Variants in STPG2 observed in about 807,000 individuals in gnomAD.
The protein encoded by STPG2 is sperm-tail PG-rich repeat-containing protein 2.
Under a neutral mutation model 54.2 loss-of-function variants are expected in STPG2, and 56 were observed. The observed-to-expected ratio is 1.03, with a 90% confidence interval of 0.83 to 1.29. The LOEUF (loss-of-function observed/expected upper bound fraction) is 1.29. Ranked by LOEUF, STPG2 falls within the 50% of genes most tolerant of loss-of-function variation. The pLI is 0.00. For missense variants in STPG2, 596 were observed against 544.9 expected (o/e 1.09, Z -0.93); for synonymous variants, 200 against 181.8 (o/e 1.10, Z -0.81).
intron 10 of STPG2, among the ~76,000 whole-genome samples, chr4:97,636,952 A>C (rs920367957): frequency 6.6e-6 from 1 of 152,182 alleles, no homozygotes; most frequent in Non-Finnish European, 1.5e-5. Context: ...AACCTATTCC[A>C]ATCAATAGAA....
At chr4:97,797,399 G>C (rs186480482) in intron 9 of STPG2, among the ~76,000 whole-genome samples, 2 of 152,212 alleles carry the variant, frequency 1.3e-5, no homozygotes, top group Admixed American at 6.5e-5. Flanking sequence ...TAGCATGAAG[G>C]GCTGTTGAAT....
At chr4:97,879,279 T>G (rs772501349) in intron 8 of STPG2, among the ~76,000 whole-genome samples, 2 of 152,206 alleles carry the variant, frequency 1.3e-5, no homozygotes, top group Non-Finnish European at 2.9e-5. Context: ...GCTTCCACAT[T>G]TTCAGGTATC....
intron 9 of STPG2, among the ~76,000 whole-genome samples, chr4:97,731,378 A>G (rs539922970): frequency 5.3e-5 from 8 of 152,168 alleles, no homozygotes; most frequent in Non-Finnish European, 8.8e-5. Context: ...TACCTCCAGT[A>G]TATTACACTT....
chr4:98,033,289 A>G (rs193012143), intron 5 of STPG2, among the ~76,000 whole-genome samples: 3 of 152,228 alleles, frequency 2.0e-5, no homozygotes, highest in African/African-American at 7.2e-5. Flanking sequence ...CCAATCCCAC[A>G]GAAATACAAA....
At chr4:98,033,932 G>C (rs1300509551) in intron 5 of STPG2, among the ~76,000 whole-genome samples, 1 of 152,144 alleles carries the variant, frequency 6.6e-6, no homozygotes, top group Non-Finnish European at 1.5e-5. Flanking sequence ...CAGTAAACTA[G>C]GTATCGATGG....
intron 10 of STPG2, among the ~76,000 whole-genome samples, chr4:97,617,545 A>T (rs967993971): frequency 3.3e-5 from 5 of 152,168 alleles, no homozygotes; most frequent in African/African-American, 1.2e-4. Context: ...TGGCGTTAGT[A>T]GGTTTGACAG....
chr4:97,897,394 T>C (rs2149181556), intron 8 of STPG2, among the ~76,000 whole-genome samples: 1 of 152,230 alleles, frequency 6.6e-6, no homozygotes, highest in South Asian at 2.1e-4. Flanking sequence ...TATAACAGAA[T>C]GATTTATATT....
At chr4:97,661,600 G>T (rs1722378001) in intron 10 of STPG2, among the ~76,000 whole-genome samples, 1 of 152,016 alleles carries the variant, frequency 6.6e-6, no homozygotes, top group African/African-American at 2.4e-5. Context: ...TACAAATGGA[G>T]ATAAAAAGGG....
At chr4:97,872,382 ATCCT>A (rs1730021786) in intron 8 of STPG2, among the ~76,000 whole-genome samples, 1 of 151,288 alleles carries the variant, frequency 6.6e-6, no homozygotes, top group African/African-American at 2.4e-5. Flanking sequence ...CATCTGGAAA[ATCCT>A]AAAGACTCAG....
chr4:97,761,695 T>G (rs1725894675), intron 9 of STPG2, among the ~76,000 whole-genome samples: 1 of 152,112 alleles, frequency 6.6e-6, no homozygotes, highest in South Asian at 2.1e-4. Flanking sequence ...GTGGGAGAAG[T>G]GATAAAAATA....
At chr4:97,819,833 AC>A in intron 9 of STPG2, among the ~76,000 whole-genome samples, 1 of 152,288 alleles carries the variant, frequency 6.6e-6, no homozygotes, top group South Asian at 2.1e-4. Context: ...CACATAGAGA[AC>A]ACAATGAAAA....
intron 9 of STPG2, among the ~76,000 whole-genome samples, chr4:97,819,421 T>C (rs1728015182): frequency 6.6e-6 from 1 of 152,166 alleles, no homozygotes; most frequent in Non-Finnish European, 1.5e-5. Flanking sequence ...ATATGTTCAA[T>C]TAACTTCTAA....
intron 5 of STPG2, among the ~76,000 whole-genome samples, chr4:97,983,112 C>T (rs1734729450): frequency 6.6e-6 from 1 of 152,112 alleles, no homozygotes. Flanking sequence ...TCTCTGCCAC[C>T]CTTGAGATAG....
At chr4:98,048,722 T>A (rs1247788331) in intron 5 of STPG2, 2 of 153,596 alleles carry the variant, frequency 1.3e-5, no homozygotes, top group African/African-American at 4.8e-5. Context: ...CCTATTATTA[T>A]ACAATACTAC....
intron 7 of STPG2, among the ~76,000 whole-genome samples, chr4:97,948,596 A>G (rs1733340689): frequency 6.6e-6 from 1 of 151,990 alleles, no homozygotes; most frequent in Non-Finnish European, 1.5e-5. Flanking sequence ...GTATCCCAGA[A>G]GTTTTGATGA....
At chr4:97,939,947 C>T (rs1216837578) in intron 8 of STPG2, among the ~76,000 whole-genome samples, 1 of 152,062 alleles carries the variant, frequency 6.6e-6, no homozygotes, top group East Asian at 1.9e-4. Context: ...AGTGGTGTTT[C>T]CTTTCTATAC....
intron 10 of STPG2, among the ~76,000 whole-genome samples, chr4:97,708,190 G>A (rs1724008945): frequency 6.6e-6 from 1 of 151,760 alleles, no homozygotes; most frequent in South Asian, 2.1e-4. Flanking sequence ...CTAAAGCAAT[G>A]TGGGAATGTT....
At chr4:97,771,127 T>C (rs1726204471) in intron 9 of STPG2, among the ~76,000 whole-genome samples, 1 of 152,222 alleles carries the variant, frequency 6.6e-6, no homozygotes, top group Non-Finnish European at 1.5e-5. Context: ...AATGCTGCCA[T>C]TATTTCTTGT....
At chr4:97,794,182 T>C (rs1727094826) in intron 9 of STPG2, among the ~76,000 whole-genome samples, 1 of 152,126 alleles carries the variant, frequency 6.6e-6, no homozygotes, top group Non-Finnish European at 1.5e-5. Context: ...ATAATTTTTC[T>C]TTATGTGTAA....
Sources: gnomAD v4.1 joint callset for allele counts (sites outside exome capture counted in the v4.1 genomes callset) on GRCh38, gnomAD v4.1.1 for gene constraint, MANE v1.5 for transcripts, NCBI Gene and HGNC (gene_info 2026-07-23, HGNC 2026-07-21) for gene names.